The following HEMK2 variants were observed in gnomAD, a reference collection of about 807,000 sequenced individuals.
HEMK2 encodes the protein HemK methyltransferase 2, ETF1 glutamine and histone H4 lysine.
At chr21:28,812,093 T>C in the HEMK2 span, among the ~76,000 whole-genome samples, 4 of 152,158 alleles carry the variant, frequency 2.6e-5, no homozygotes, top group South Asian at 2.1e-4. Context: ...TTTAGGAAGA[T>C]AGAAACGAAA....
the HEMK2 span, among the ~76,000 whole-genome samples, chr21:28,842,224 C>A: frequency 6.6e-6 from 1 of 152,070 alleles, no homozygotes; most frequent in Admixed American, 6.6e-5. Flanking sequence ...GTGTTATTGG[C>A]ATCATTATTA....
the HEMK2 span, among the ~76,000 whole-genome samples, chr21:28,683,120 A>G: frequency 6.6e-6 from 1 of 150,770 alleles, no homozygotes; most frequent in Non-Finnish European, 1.5e-5. Context: ...TATTATATTT[A>G]TGATTATATT....
At chr21:28,696,828 A>G in the HEMK2 span, among the ~76,000 whole-genome samples, 2 of 152,200 alleles carry the variant, frequency 1.3e-5, no homozygotes, top group Admixed American at 6.5e-5. Flanking sequence ...ACCTCTGTAC[A>G]CCTGCAGGCC....
the HEMK2 span, among the ~76,000 whole-genome samples, chr21:28,626,912 G>A: frequency 5.5e-4 from 84 of 152,150 alleles, no homozygotes; most frequent in Non-Finnish European, 9.3e-4. Context: ...ATAAAAATTT[G>A]TATTCACAGA....
At chr21:28,615,151 A>C in the HEMK2 span, among the ~76,000 whole-genome samples, 2 of 152,204 alleles carry the variant, frequency 1.3e-5, no homozygotes. Flanking sequence ...GGAAGAATTT[A>C]ATTTCCCACT....
the HEMK2 span, among the ~76,000 whole-genome samples, chr21:28,749,497 G>GT: frequency 1.3e-5 from 2 of 152,124 alleles, no homozygotes; most frequent in Non-Finnish European, 2.9e-5. Flanking sequence ...GTATAAACTT[G>GT]TTTTCTGCCA....
the HEMK2 span, among the ~76,000 whole-genome samples, chr21:28,616,281 T>C: frequency 1.3e-5 from 2 of 152,198 alleles, no homozygotes; most frequent in Non-Finnish European, 2.9e-5. Context: ...TCTTCGCTAA[T>C]CACATCATGA....
At chr21:28,838,992 TATATATATAC>T in the HEMK2 span, among the ~76,000 whole-genome samples, 2,572 of 77,328 alleles carry the variant, frequency 0.033, 216 homozygotes, top group East Asian at 0.27. Context: ...TATATATATA[TATATATATAC>T]ATATATATAC....
chr21:28,699,016 T>C, the HEMK2 span, among the ~76,000 whole-genome samples: 11 of 152,294 alleles, frequency 7.2e-5, no homozygotes, highest in Middle Eastern at 3.4e-3. Flanking sequence ...CATTCATGTG[T>C]TTTTTTAATC....
At chr21:28,583,956 A>T in the HEMK2 span, among the ~76,000 whole-genome samples, 17 of 152,174 alleles carry the variant, frequency 1.1e-4, no homozygotes, top group African/African-American at 4.1e-4. Context: ...GGTCCTTCAA[A>T]TTTTCAATAG....
the HEMK2 span, among the ~76,000 whole-genome samples, chr21:28,595,732 A>G: frequency 1.3e-5 from 2 of 151,980 alleles, no homozygotes; most frequent in Admixed American, 1.3e-4. Context: ...CTCTATTTTT[A>G]GTTTTTTGAG....
At chr21:28,804,971 A>G in the HEMK2 span, among the ~76,000 whole-genome samples, 1 of 152,200 alleles carries the variant, frequency 6.6e-6, no homozygotes, top group East Asian at 1.9e-4. Context: ...TATACAGCTT[A>G]CCAGGCCCCA....
At chr21:28,885,080 T>A in the HEMK2 span, 1 of 1,303,990 alleles carries the variant, frequency 7.7e-7, no homozygotes, top group East Asian at 2.7e-5. Flanking sequence ...GCGTCCTGGC[T>A]GTCAATCATC....
At chr21:28,676,183 T>C in the HEMK2 span, among the ~76,000 whole-genome samples, 1 of 152,228 alleles carries the variant, frequency 6.6e-6, no homozygotes, top group African/African-American at 2.4e-5. Flanking sequence ...CAGAAATTTA[T>C]TGTTTAACAA....
chr21:28,865,155 T>C, the HEMK2 span, among the ~76,000 whole-genome samples: 3 of 152,110 alleles, frequency 2.0e-5, no homozygotes, highest in African/African-American at 7.2e-5. Flanking sequence ...TTTTAGTTTT[T>C]CTTTTGTTTT....
At chr21:28,610,372 C>G in the HEMK2 span, among the ~76,000 whole-genome samples, 1 of 152,052 alleles carries the variant, frequency 6.6e-6, no homozygotes, top group Non-Finnish European at 1.5e-5. Flanking sequence ...TTCCCACTAC[C>G]AAGCCAGCAC....
the HEMK2 span, among the ~76,000 whole-genome samples, chr21:28,834,216 A>AT: frequency 6.6e-6 from 1 of 152,176 alleles, no homozygotes; most frequent in South Asian, 2.1e-4. Context: ...TGCATTGTGA[A>AT]TTTTAGCTCC....
the HEMK2 span, among the ~76,000 whole-genome samples, chr21:28,812,936 G>A: frequency 6.6e-6 from 1 of 152,166 alleles, no homozygotes; most frequent in African/African-American, 2.4e-5. Flanking sequence ...GGTGTTTATA[G>A]TACTCTCTGA....
chr21:28,718,564 G>T, the HEMK2 span, among the ~76,000 whole-genome samples: 1 of 151,492 alleles, frequency 6.6e-6, no homozygotes, highest in African/African-American at 2.4e-5. Flanking sequence ...TCTTTTTTTA[G>T]GTCTAGAAGT....
Sources: allele counts gnomAD v4.1 joint callset (sites outside exome capture counted in the v4.1 genomes callset), GRCh38; gene constraint gnomAD v4.1.1; transcripts MANE v1.5; gene names NCBI Gene and HGNC (gene_info 2026-07-23, HGNC 2026-07-21).